DISP1: variants seen among roughly 807,000 people sequenced by gnomAD.
DISP1 encodes dispatched RND transporter family member 1, also known as protein dispatched homolog 1.
Under a neutral mutation model 37.3 loss-of-function variants are expected in DISP1, and 30 were observed. That is an observed-to-expected ratio of 0.80 (90% confidence interval 0.60 to 1.09). The LOEUF is 1.09. DISP1 is among the 50% of genes least tolerant of loss of function. The pLI, the probability that DISP1 is intolerant of heterozygous loss-of-function variation, is 0.00. For synonymous variants in DISP1, 634 were observed against 690.2 expected (o/e 0.92, Z 1.28); for missense variants, 1,598 against 1,879.5 (o/e 0.85, Z 2.77).
chr1:222,997,050 C>CTA (rs72145593), intron 8 of DISP1, among the ~76,000 whole-genome samples: 1,662 of 148,496 alleles, frequency 0.011, 24 homozygotes, highest in African/African-American at 0.035. Context: ...CTCTCTCTCT[C>CTA]TATATATATA....
chr1:222,919,724 G>A (rs1672706301), intron 1 of DISP1, among the ~76,000 whole-genome samples: 1 of 152,144 alleles, frequency 6.6e-6, no homozygotes, highest in South Asian at 2.1e-4. Flanking sequence ...TAATGCACGT[G>A]TTTTCAACAT....
chr1:222,960,817 A>G (rs1002150500), intron 3 of DISP1, among the ~76,000 whole-genome samples: 3 of 152,190 alleles, frequency 2.0e-5, no homozygotes, highest in African/African-American at 7.2e-5. Flanking sequence ...ACAAACTACC[A>G]TGAGAGAATA....
chr1:222,866,565 G>A (rs1032947087), intron 1 of DISP1, among the ~76,000 whole-genome samples: 2 of 152,044 alleles, frequency 1.3e-5, no homozygotes, highest in Admixed American at 6.6e-5. Flanking sequence ...GGCTGGTCTC[G>A]AACTCCTGAC....
rs745813263 is a variant in DISP1 at position 223,004,133 on chromosome 1, G to A, written c.2736G>A (p.Pro912=). ...GYHLDSKTPG[P]RFDINDTIRA... ...ATTTGGATAGCAAAACCCCAGGGCC[G>A]AGGTTTGATATCAATGATACTATCA... Residue 912 remains proline (P), a synonymous_variant, in exon 9 of 9, where the codon CCG becomes CCA. Coordinates refer to ENST00000675850, the MANE Select transcript of DISP1 (RefSeq NM_001377229.1). The surrounding 1 kb of genome is among the most constrained non-coding windows in gnomAD (Gnocchi z 4.9). The A allele has an allele frequency of 2.2e-5, 36 of 1,614,036 alleles. No homozygotes were observed. Among genetic ancestry groups the A allele is most frequent in the Middle Eastern group, 1.6e-4 (1 of 6,084 alleles).
At chr1:222,863,571 A>G (rs1184655861) in intron 1 of DISP1, among the ~76,000 whole-genome samples, 1 of 151,932 alleles carries the variant, frequency 6.6e-6, no homozygotes, top group Non-Finnish European at 1.5e-5. Flanking sequence ...AGATCCTTTG[A>G]AACTGTAAAT....
At chr1:222,936,785 A>ATG (rs1553331594) in intron 2 of DISP1, among the ~76,000 whole-genome samples, 92 of 66,942 alleles carry the variant, frequency 1.4e-3, no homozygotes, top group South Asian at 2.7e-3. Context: ...TATCATATAT[A>ATG]ATATATATAA....
chr1:222,958,149 G>A (rs1228915023), intron 3 of DISP1, among the ~76,000 whole-genome samples: 3 of 152,144 alleles, frequency 2.0e-5, no homozygotes, highest in Non-Finnish European at 4.4e-5. Context: ...CCAAAAAGTT[G>A]TGGTTGAGTT....
chr1:222,999,943 C>T (rs922353259), intron 8 of DISP1, among the ~76,000 whole-genome samples: 3 of 152,178 alleles, frequency 2.0e-5, no homozygotes, highest in African/African-American at 7.2e-5. Flanking sequence ...TACTAGCACT[C>T]GTTTTTAATA....
rs189361430 is a variant in DISP1 at position 222,892,421 on chromosome 1, A to G, written c.-158-36009A>G. Among the ~76,000 whole-genome samples, 16 of 152,344 alleles carry G rather than the reference A, an allele frequency of 1.1e-4. No homozygotes were observed. The East Asian group carries it at 1.5e-3, about 15-fold the overall frequency. On this transcript the variant is annotated intron_variant, in intron 1 of 8. Transcript: ENST00000675850. ...AAATAACGTAAGTATGAATAAGCTT[A>G]TTCACATAGTATATTTTGTATATGA...
Position 223,005,710 on chromosome 1 carries a change from A to G in DISP1, c.4313A>G (p.Lys1438Arg). The G allele has an allele frequency of 6.2e-7, 1 of 1,614,146 alleles. No individual in the cohort carries two copies. The highest frequency in any genetic ancestry group is 8.5e-7 in the Non-Finnish European group (1 of 1,180,016). The change falls in exon 9 of 9, where the codon AAA becomes AGA. Residue 1438 changes from lysine to arginine, a missense_variant. Lys to Arg is a conservative substitution (Grantham distance 26). Transcript: ENST00000675850. ...GGGACTGAAAACAAGGCAGGAGGGA[A>G]AGTGGAGCTGAGCTTGTCACAGACG... Reference protein sequence around the residue: ...SGGTENKAGGKVELSLSQTDA... With the variant: ...SGGTENKAGGRVELSLSQTDA...
intron 1 of DISP1, among the ~76,000 whole-genome samples, chr1:222,919,051 A>G (rs551030670): frequency 1.3e-5 from 2 of 152,320 alleles, no homozygotes; most frequent in South Asian, 4.1e-4. Context: ...GATCCCAACC[A>G]CCGGCTTGGT....
intron 1 of DISP1, among the ~76,000 whole-genome samples, chr1:222,867,911 T>C (rs1186576041): frequency 6.6e-6 from 1 of 152,102 alleles, no homozygotes; most frequent in African/African-American, 2.4e-5. Flanking sequence ...GGCCAGTTGG[T>C]TGTTGCAGAA....
chr1:222,951,076 T>C (rs1253791835), intron 3 of DISP1, among the ~76,000 whole-genome samples: 2 of 152,154 alleles, frequency 1.3e-5, no homozygotes, highest in Non-Finnish European at 2.9e-5. Flanking sequence ...CATAGACAGA[T>C]GGCCATTTTG....
intron 1 of DISP1, among the ~76,000 whole-genome samples, chr1:222,890,664 T>C (rs1670889011): frequency 6.6e-6 from 1 of 151,986 alleles, no homozygotes; most frequent in South Asian, 2.1e-4. Flanking sequence ...ACAAACTGGG[T>C]GGTTTAAACA....
chr1:222,942,491 G>T (rs1054441895), intron 2 of DISP1, among the ~76,000 whole-genome samples: 2 of 151,986 alleles, frequency 1.3e-5, no homozygotes, highest in Non-Finnish European at 2.9e-5. Context: ...ATGCAAAATG[G>T]TCTAGTTCTT....
At chr1:222,959,428 C>T (rs937201797) in intron 3 of DISP1, among the ~76,000 whole-genome samples, 1 of 152,006 alleles carries the variant, frequency 6.6e-6, no homozygotes, top group South Asian at 2.1e-4. Flanking sequence ...TGGCTGGGCA[C>T]GGTGGCTCAC....
At chr1:222,967,155 T>G (rs1200194075) in intron 3 of DISP1, among the ~76,000 whole-genome samples, 1 of 152,108 alleles carries the variant, frequency 6.6e-6, no homozygotes, top group Non-Finnish European at 1.5e-5. Flanking sequence ...TATATATACA[T>G]GTATACATAT....
chr1:222,832,074 G>A (rs35283922), intron 1 of DISP1, among the ~76,000 whole-genome samples: 16,474 of 152,038 alleles, frequency 0.11, 1,260 homozygotes, highest in South Asian at 0.16. Flanking sequence ...GAGGTCAGGA[G>A]TTAAAAACCA....
At position 223,002,278 on chromosome 1, in the gene DISP1, G is replaced by A. The variant is rs190562655; in HGVS notation, c.988-107G>A. The stretch of plus-strand genomic sequence containing the variant: ...TTAAGTGGATAATTATTTAGCTTTT[G>A]TAACTTTCCCTGTCCCTCAAGATCA... On this transcript the variant is annotated intron_variant, in intron 8 of 8. Coordinates refer to ENST00000675850, the MANE Select transcript of DISP1 (RefSeq NM_001377229.1). 2.9e-3 allele frequency: 3,127 copies of A among 1,071,252 alleles called. 6 individuals are homozygous for A. Among genetic ancestry groups the A allele is most frequent in the Non-Finnish European group, 3.4e-3 (2,378 of 690,534 alleles). The allele number at this position is 1,071,252 out of a possible 1,614,324, so 66.4% of individuals were successfully genotyped here. A position where few individuals can be genotyped will look rare whatever the true frequency, so the allele number is the denominator to read the frequency against.
Sources: gnomAD v4.1 joint callset for allele counts (sites outside exome capture counted in the v4.1 genomes callset) on GRCh38, gnomAD v4.1.1 for gene constraint, Gnocchi (gnomAD v3.1) non-coding constraint, MANE v1.5 for transcripts, NCBI Gene and HGNC (gene_info 2026-07-23, HGNC 2026-07-21) for gene names.